Variants in MARCHF1 observed in about 807,000 individuals in gnomAD.
MARCHF1 encodes the protein E3 ubiquitin-protein ligase MARCHF1.
A neutral mutation model predicts 54.2 loss-of-function variants in MARCHF1; 40 were observed. The observed-to-expected ratio is 0.74, with a 90% confidence interval of 0.57 to 0.96. The LOEUF (loss-of-function observed/expected upper bound fraction) is 0.96, where lower values mean the gene tolerates loss of function less well. Among genes scored for constraint, MARCHF1 ranks in the 40% least tolerant of loss-of-function variants. MARCHF1 has a pLI of 0.00. For missense variants in MARCHF1, 586 were observed against 656.5 expected (o/e 0.89, Z 1.17); for synonymous variants, 236 against 236.3 (o/e 1.00, Z 0.01).
At chr4:163,912,340 G>C (rs143734380) in intron 3 of MARCHF1, among the ~76,000 whole-genome samples, 1 of 152,148 alleles carries the variant, frequency 6.6e-6, no homozygotes, top group African/African-American at 2.4e-5. Flanking sequence ...CTTTCAAAGG[G>C]ATCTGAGTCA....
intron 4 of MARCHF1, among the ~76,000 whole-genome samples, chr4:163,729,228 T>C (rs1056645752): frequency 2.0e-5 from 3 of 152,038 alleles, no homozygotes; most frequent in South Asian, 2.1e-4. Context: ...AAAAAGAAAA[T>C]GCCTTTTTTT....
At chr4:164,169,935 A>C (rs1189522499) in intron 1 of MARCHF1, among the ~76,000 whole-genome samples, 1 of 152,036 alleles carries the variant, frequency 6.6e-6, no homozygotes, top group Non-Finnish European at 1.5e-5. Context: ...CAAAATATCC[A>C]TTTACCCTTC....
At chr4:163,924,577 T>C (rs878953116) in intron 3 of MARCHF1, among the ~76,000 whole-genome samples, 1 of 152,006 alleles carries the variant, frequency 6.6e-6, no homozygotes, top group African/African-American at 2.4e-5. Context: ...AAAAAATATG[T>C]ATAGTGACAA....
chr4:163,772,813 T>C (rs1245954981), intron 4 of MARCHF1, among the ~76,000 whole-genome samples: 3 of 111,686 alleles, frequency 2.7e-5, no homozygotes, highest in Non-Finnish European at 6.1e-5. Context: ...CTTGGGATTA[T>C]GTGGAGGAGG....
chr4:164,131,402 A>G (rs771089131), intron 1 of MARCHF1, among the ~76,000 whole-genome samples: 2 of 152,170 alleles, frequency 1.3e-5, no homozygotes, highest in Non-Finnish European at 2.9e-5. Context: ...TTTCTGTCAG[A>G]GCAAATTACG....
intron 8 of MARCHF1, among the ~76,000 whole-genome samples, chr4:163,575,288 C>A (rs938648726): frequency 6.6e-6 from 1 of 151,898 alleles, no homozygotes; most frequent in Admixed American, 6.6e-5. Flanking sequence ...TCATTGAAAG[C>A]TTTTTCTGCA....
At chr4:164,080,082 A>C (rs1755064365) in intron 2 of MARCHF1, among the ~76,000 whole-genome samples, 1 of 152,174 alleles carries the variant, frequency 6.6e-6, no homozygotes. Flanking sequence ...AAAAACAGGA[A>C]GCTTCTGCTT....
At chr4:164,060,350 A>T (rs1168661289) in intron 2 of MARCHF1, among the ~76,000 whole-genome samples, 1 of 152,118 alleles carries the variant, frequency 6.6e-6, no homozygotes, top group African/African-American at 2.4e-5. Context: ...TAAAAGACAT[A>T]TTGTAGAATT....
At chr4:164,054,652 A>G (rs1340823925) in intron 2 of MARCHF1, among the ~76,000 whole-genome samples, 1 of 151,762 alleles carries the variant, frequency 6.6e-6, no homozygotes, top group East Asian at 1.9e-4. Flanking sequence ...ATTGGAAATC[A>G]TCATTCTCAG....
At chr4:163,954,188 G>A (rs988165325) in intron 3 of MARCHF1, among the ~76,000 whole-genome samples, 4 of 152,002 alleles carry the variant, frequency 2.6e-5, no homozygotes, top group Admixed American at 6.6e-5. Flanking sequence ...CTTAAAATAA[G>A]GTAGGAAATT....
At chr4:164,365,234 A>G (rs1730845199) in intron 1 of MARCHF1, among the ~76,000 whole-genome samples, 1 of 152,058 alleles carries the variant, frequency 6.6e-6, no homozygotes, top group Non-Finnish European at 1.5e-5. Flanking sequence ...CTGGACTCAC[A>G]TAAAAAGTGA....
chr4:163,931,193 T>C (rs912472665), intron 3 of MARCHF1, among the ~76,000 whole-genome samples: 1 of 152,196 alleles, frequency 6.6e-6, no homozygotes, highest in Non-Finnish European at 1.5e-5. Flanking sequence ...CTTGGACTTC[T>C]AGCCTCCAGA....
At chr4:164,264,196 T>C (rs1358582837) in intron 1 of MARCHF1, among the ~76,000 whole-genome samples, 1 of 152,192 alleles carries the variant, frequency 6.6e-6, no homozygotes. Flanking sequence ...TGCTGGAATA[T>C]GGATGGACCC....
intron 4 of MARCHF1, among the ~76,000 whole-genome samples, chr4:163,764,137 G>C (rs946099780): frequency 2.0e-5 from 3 of 151,972 alleles, no homozygotes; most frequent in African/African-American, 7.2e-5. Context: ...TATTCCTTGA[G>C]GGTTTAGTAG....
At chr4:163,679,610 C>G (rs1744030407) in intron 5 of MARCHF1, among the ~76,000 whole-genome samples, 1 of 146,296 alleles carries the variant, frequency 6.8e-6, no homozygotes, top group Admixed American at 7.0e-5. Flanking sequence ...ATATTTATCT[C>G]CAATTCTTTT....
chr4:164,263,622 A>G (rs1233079861), intron 1 of MARCHF1, among the ~76,000 whole-genome samples: 1 of 148,622 alleles, frequency 6.7e-6, no homozygotes, highest in African/African-American at 2.4e-5. Flanking sequence ...AATAATAAAA[A>G]CATTTCGAAT....
chr4:164,179,215 T>C (rs1244814148), intron 1 of MARCHF1, among the ~76,000 whole-genome samples: 1 of 152,166 alleles, frequency 6.6e-6, no homozygotes, highest in Non-Finnish European at 1.5e-5. Flanking sequence ...TTTCCACCTT[T>C]TTAATGGAAC....
At chr4:163,594,542 G>C (rs1485708930) in intron 7 of MARCHF1, among the ~76,000 whole-genome samples, 1 of 149,044 alleles carries the variant, frequency 6.7e-6, no homozygotes, top group Non-Finnish European at 1.5e-5. Context: ...ATTGTATTTA[G>C]TTGAGTAGGA....
At chr4:164,316,502 A>G (rs1735001986) in intron 1 of MARCHF1, among the ~76,000 whole-genome samples, 1 of 152,196 alleles carries the variant, frequency 6.6e-6, no homozygotes, top group South Asian at 2.1e-4. Context: ...AAGGATAAGA[A>G]AAAAGATGAG....
Sources: allele counts gnomAD v4.1 joint callset (sites outside exome capture counted in the v4.1 genomes callset), GRCh38; gene constraint gnomAD v4.1.1; transcripts MANE v1.5; gene names NCBI Gene and HGNC (gene_info 2026-07-23, HGNC 2026-07-21).